The following LRBA variants were observed in gnomAD, a reference collection of about 807,000 sequenced individuals.
The protein encoded by LRBA is lipopolysaccharide-responsive and beige-like anchor protein.
LRBA carries 176 observed loss-of-function variants against 330.0 expected under a neutral mutation model. The ratio of observed to expected loss-of-function variants is 0.53; its 90% confidence interval spans 0.47 to 0.60. The LOEUF (loss-of-function observed/expected upper bound fraction) is 0.60. Ranked by LOEUF, LRBA falls within the 20% of genes least tolerant of loss-of-function variation. The pLI is 0.00. For synonymous variants in LRBA, 1,230 were observed against 1,193.0 expected (o/e 1.03, Z -0.64); for missense variants, 3,259 against 3,444.8 (o/e 0.95, Z 1.35).
chr4:150,490,562 GTCCTC>G (rs754462319), intron 41 of LRBA, among the ~76,000 whole-genome samples: 12 of 151,660 alleles, frequency 7.9e-5, no homozygotes, highest in South Asian at 2.1e-4. Flanking sequence ...AATCGTTATT[GTCCTC>G]TCCTCTCCCC....
chr4:150,844,716 C>CCCCTTT lies in LRBA; in HGVS notation c.4402_4403insAAAGGG (p.Arg1467_Gly1468insGluArg). ...ATGCATTGGTTTCAAGGCTTTATCT[C>CCCCTTT]CCCTAGTTTTCAGTTGTGAATGCTG... On this transcript the variant is annotated inframe_insertion, in exon 27 of 57. Coordinates refer to ENST00000651943, the MANE Select transcript of LRBA (RefSeq NM_001364905.1). The CCCCTTT allele has an allele frequency of 6.2e-7, 1 of 1,613,044 alleles. No individual in the cohort carries two copies.
At chr4:150,970,558 C>CGTGT (rs886585528) in intron 2 of LRBA, 306 of 9,924 alleles carry the variant, frequency 0.031, 1 homozygote, top group African/African-American at 0.057. Context: ...TGTGTGTGTA[C>CGTGT]ACACACACAC....
At chr4:151,014,359 C>T in intron 2 of LRBA, 68 bp downstream of exon 2, 2 of 1,329,276 alleles carry the variant, frequency 1.5e-6, no homozygotes, top group Non-Finnish European at 2.1e-6. Context: ...CACATGGCTC[C>T]AGCTTTAAGA....
chr4:150,313,117 G>A (rs1731273519), intron 51 of LRBA, among the ~76,000 whole-genome samples: 1 of 151,824 alleles, frequency 6.6e-6, no homozygotes, highest in South Asian at 2.1e-4. Context: ...CATTTTTATG[G>A]CTGAAAAGCA....
At chr4:150,342,768 G>C (rs887087879) in intron 48 of LRBA, among the ~76,000 whole-genome samples, 2 of 152,230 alleles carry the variant, frequency 1.3e-5, no homozygotes, top group East Asian at 3.9e-4. Flanking sequence ...TACATGACTT[G>C]TATGTACACA....
intron 37 of LRBA, among the ~76,000 whole-genome samples, chr4:150,625,706 T>A (rs1194919403): frequency 2.7e-5 from 4 of 147,560 alleles, no homozygotes; most frequent in Non-Finnish European, 4.5e-5. Flanking sequence ...TATATATATA[T>A]AATTATTATT....
chr4:150,583,938 C>G lies in LRBA; in HGVS notation c.6330+4110G>C. The stretch of plus-strand genomic sequence containing the variant: ...GCCTGGGCGACCGGCTCAACGGCAT[C>G]CTGCTGCAGCTCATCTCCTGCCTGC... On this transcript the variant is annotated intron_variant, in intron 40 of 56. Coordinates refer to ENST00000651943, the MANE Select transcript of LRBA (RefSeq NM_001364905.1). This position sits in a 1 kb window ranked among gnomAD's most constrained non-coding sequence, Gnocchi z 9.8. The G allele has an allele frequency of 6.2e-7, 1 of 1,613,354 alleles. No homozygotes were observed. Among genetic ancestry groups the G allele is most frequent in the South Asian group, 1.1e-5 (1 of 90,868 alleles).
intron 36 of LRBA, among the ~76,000 whole-genome samples, chr4:150,719,157 A>C (rs17027034): frequency 0.089 from 13,510 of 152,104 alleles, 1,038 homozygotes; most frequent in African/African-American, 0.22. Flanking sequence ...AAATCAATTT[A>C]ATCTCTTTCA....
chr4:150,816,776 T>G (rs1429448370), intron 31 of LRBA, among the ~76,000 whole-genome samples: 2 of 151,894 alleles, frequency 1.3e-5, no homozygotes, highest in South Asian at 4.1e-4. Context: ...TCAACAAGAC[T>G]TTCTTATTTA....
chr4:150,870,505 A>G lies in LRBA; in HGVS notation c.2449+20T>C. 1.4e-6 allele frequency: 2 copies of G among 1,393,596 alleles called. No homozygotes were observed. The highest frequency in any genetic ancestry group is 1.0e-6 in the Non-Finnish European group (1 of 983,062). The allele number at this position is 1,393,596 out of a possible 1,614,324, so 86.3% of individuals were successfully genotyped here. ...TAAGTAGCAAAAGGTAGTTTTTGTTAAAGTATATAAAATACATACGAGGGT... is the reference window on the plus strand; with the variant it reads ...TAAGTAGCAAAAGGTAGTTTTTGTTGAAGTATATAAAATACATACGAGGGT... On this transcript the variant is annotated intron_variant, in intron 20 of 56. Coordinates refer to ENST00000651943, the MANE Select transcript of LRBA (RefSeq NM_001364905.1).
intron 56 of LRBA, among the ~76,000 whole-genome samples, chr4:150,277,230 C>T (rs563649547): frequency 1.7e-4 from 24 of 143,472 alleles, no homozygotes; most frequent in African/African-American, 6.0e-4. Flanking sequence ...ACAAAGAGAA[C>T]ATATGGACAC....
At chr4:150,932,719 G>A (rs1734647791) in intron 2 of LRBA, among the ~76,000 whole-genome samples, 1 of 151,802 alleles carries the variant, frequency 6.6e-6, no homozygotes, top group African/African-American at 2.4e-5. Flanking sequence ...AGTTTAAGAT[G>A]AGCCAAGGCA....
At chr4:150,773,557 T>C (rs1014565039) in intron 34 of LRBA, among the ~76,000 whole-genome samples, 3 of 152,216 alleles carry the variant, frequency 2.0e-5, no homozygotes, top group East Asian at 1.9e-4. Flanking sequence ...GAGATGAATA[T>C]ATGCTGGAAA....
At chr4:150,806,996 T>A (rs1742893677) in intron 32 of LRBA, among the ~76,000 whole-genome samples, 1 of 151,310 alleles carries the variant, frequency 6.6e-6, no homozygotes, top group African/African-American at 2.4e-5. Context: ...ATTAATAAAC[T>A]GAGATAGTTG....
intron 40 of LRBA, among the ~76,000 whole-genome samples, chr4:150,511,323 C>T (rs572338679): frequency 2.0e-4 from 31 of 152,350 alleles, no homozygotes; most frequent in African/African-American, 6.3e-4. Flanking sequence ...TTGACCCTCA[C>T]TCACCTCTCA....
chr4:151,008,969 CAAAA>C (rs1216990774), intron 2 of LRBA, among the ~76,000 whole-genome samples: 246 of 1,878 alleles, frequency 0.13, 9 homozygotes, highest in African/African-American at 0.16. Context: ...GACTCCATCT[CAAAA>C]AAAAAAAAAA....
chr4:150,439,728 A>C (rs1303835901), intron 44 of LRBA, among the ~76,000 whole-genome samples: 1 of 152,156 alleles, frequency 6.6e-6, no homozygotes, highest in Non-Finnish European at 1.5e-5. Context: ...AGACTGTGGA[A>C]CCATCCTAAC....
At chr4:150,874,787 G>A (rs752081340) in intron 17 of LRBA, among the ~76,000 whole-genome samples, 26 of 151,826 alleles carry the variant, frequency 1.7e-4, no homozygotes, top group Non-Finnish European at 3.2e-4. Context: ...GGCAACTGAC[G>A]CACCCACTCC....
intron 34 of LRBA, among the ~76,000 whole-genome samples, chr4:150,794,928 T>C (rs1740556884): frequency 6.6e-6 from 1 of 152,170 alleles, no homozygotes; most frequent in South Asian, 2.1e-4. Context: ...CCCTCTCCGA[T>C]AGTGGACTGT....
Sources: gnomAD v4.1 joint callset for allele counts (sites outside exome capture counted in the v4.1 genomes callset) on GRCh38, gnomAD v4.1.1 for gene constraint, Gnocchi (gnomAD v3.1) non-coding constraint, MANE v1.5 for transcripts, NCBI Gene and HGNC (gene_info 2026-07-23, HGNC 2026-07-21) for gene names.